DLG1: variants seen among roughly 807,000 people sequenced by gnomAD.
The protein encoded by DLG1 is disks large homolog 1.
In DLG1, 42 loss-of-function variants were observed where a neutral mutation model predicts 123.4. That is an observed-to-expected ratio of 0.34 (90% CI 0.27 to 0.44). DLG1 has a LOEUF of 0.44. DLG1 is among the 20% of genes least tolerant of loss of function. DLG1 has a pLI of 1.00. For synonymous variants in DLG1, 317 were observed against 356.2 expected, an observed-to-expected ratio of 0.89 and a Z score of 1.24; for missense variants, 942 against 1,082.6, an observed-to-expected ratio of 0.87 and a Z score of 1.82.
At chr3:197,297,390 T>G in intron 1 of DLG1, 155 bp from the exon 2 acceptor site, 1 of 1,438,836 alleles carries the variant, frequency 7.0e-7, no homozygotes, top group South Asian at 1.5e-5. Flanking sequence ...AGCAGTTGTC[T>G]GTCAACGTGG....
chr3:197,180,143 A>T (rs1809410844), intron 5 of DLG1, among the ~76,000 whole-genome samples: 1 of 150,546 alleles, frequency 6.6e-6, no homozygotes, highest in African/African-American at 2.4e-5. Flanking sequence ...ATGTATGAAT[A>T]GCTGCTATAC....
intron 4 of DLG1, among the ~76,000 whole-genome samples, chr3:197,274,527 C>CGATAT (rs1360315135): frequency 2.0e-5 from 3 of 151,862 alleles, no homozygotes; most frequent in African/African-American, 7.3e-5. Flanking sequence ...CGATACGATA[C>CGATAT]GAAAACATTG....
chr3:197,133,439 T>C (rs2149571849), intron 10 of DLG1, among the ~76,000 whole-genome samples: 1 of 152,312 alleles, frequency 6.6e-6, no homozygotes. Flanking sequence ...TGCCAAGCCC[T>C]ATCCAATCTG....
At chr3:197,260,714 C>T (rs1476456312) in intron 4 of DLG1, among the ~76,000 whole-genome samples, 1 of 128,680 alleles carries the variant, frequency 7.8e-6, no homozygotes, top group African/African-American at 2.9e-5. Context: ...TGCTTCTCCT[C>T]GTTAGCTACA....
In DLG1 at chr3:197,269,346, C is replaced by T. The variant is rs148981438; in HGVS notation, c.318+13333G>A. Among the ~76,000 whole-genome samples the T allele has an allele frequency of 3.3e-5, 5 of 152,202 alleles. No individual in the cohort carries two copies. In the East Asian group the frequency reaches 9.6e-4, roughly 29 times the overall value. On this transcript the variant is annotated intron_variant, in intron 4 of 24. Transcript: ENST00000667157. ...AGCTTGATTATAACCTTAAGGGATC[C>T]CTACTTAACATGGTCTGTGGCTGGC...
chr3:197,138,168 A>G, intron 9 of DLG1, 54 bp downstream of exon 9: 1 of 1,116,560 alleles, frequency 9.0e-7, no homozygotes, highest in Non-Finnish European at 1.2e-6. Flanking sequence ...GTTCATAGGT[A>G]TATTTAACTC....
At chr3:197,289,912 A>G (rs959444250) in intron 3 of DLG1, among the ~76,000 whole-genome samples, 4 of 152,194 alleles carry the variant, frequency 2.6e-5, no homozygotes, top group South Asian at 2.1e-4. Flanking sequence ...ATCATACATG[A>G]CTCACAAGCA....
At chr3:197,227,013 A>C (rs1448682913) in intron 4 of DLG1, among the ~76,000 whole-genome samples, 5 of 152,246 alleles carry the variant, frequency 3.3e-5, no homozygotes, top group Admixed American at 3.3e-4. Flanking sequence ...TTAAATGGAC[A>C]GTATTTATTG....
At chr3:197,276,700 T>C (rs1766587707) in intron 4 of DLG1, among the ~76,000 whole-genome samples, 1 of 152,160 alleles carries the variant, frequency 6.6e-6, no homozygotes, top group South Asian at 2.1e-4. Context: ...CATCCTAATA[T>C]ATAATTTATC....
chr3:197,217,110 C>A (rs911547841), intron 4 of DLG1, among the ~76,000 whole-genome samples: 1 of 152,158 alleles, frequency 6.6e-6, no homozygotes, highest in Non-Finnish European at 1.5e-5. Flanking sequence ...CTTAATCATG[C>A]AATTTTTTGT....
At chr3:197,051,481 T>TCCA in intron 24 of DLG1, 96 bp downstream of exon 24, 1 of 908,206 alleles carries the variant, frequency 1.1e-6, no homozygotes, top group South Asian at 1.4e-5. Flanking sequence ...TACGGGTAGA[T>TCCA]GTAGGCATAG....
At chr3:197,054,335 T>TCTCC (rs1553868247) in intron 23 of DLG1, among the ~76,000 whole-genome samples, 1,522 of 151,828 alleles carry the variant, frequency 0.01, 16 homozygotes, top group Non-Finnish European at 0.017. Context: ...CTCTGCCTTC[T>TCTCC]CTCTATTCTC....
intron 4 of DLG1, among the ~76,000 whole-genome samples, chr3:197,259,539 G>GT (rs1365696470): frequency 3.9e-5 from 6 of 152,116 alleles, no homozygotes; most frequent in South Asian, 2.1e-4. Context: ...ATGAGACATC[G>GT]TAAGTGCATA....
At chr3:197,137,905 G>A (rs571252312) in intron 9 of DLG1, among the ~76,000 whole-genome samples, 5 of 151,772 alleles carry the variant, frequency 3.3e-5, no homozygotes, top group Non-Finnish European at 5.9e-5. Flanking sequence ...TCAGGAGGCT[G>A]AGGCTGCAGT....
chr3:197,299,238 ACCTC>A, upstream of DLG1: 1 of 151,794 alleles, frequency 6.6e-6, no homozygotes, highest in South Asian at 2.1e-4. Flanking sequence ...GGTGACGAGG[ACCTC>A]CCTATTAGGA....
chr3:197,110,991 A>T (rs1769681012), intron 13 of DLG1, among the ~76,000 whole-genome samples: 1 of 152,152 alleles, frequency 6.6e-6, no homozygotes, highest in Non-Finnish European at 1.5e-5. Flanking sequence ...TCTGGTTCCA[A>T]GGATACACGG....
At chr3:197,154,073 C>A (rs958020008) in intron 5 of DLG1, among the ~76,000 whole-genome samples, 2 of 151,564 alleles carry the variant, frequency 1.3e-5, no homozygotes, top group East Asian at 1.9e-4. Context: ...GAGGCTGAGG[C>A]GGGCAGATCA....
intron 24 of DLG1, among the ~76,000 whole-genome samples, chr3:197,045,174 C>G (rs1256475130): frequency 6.8e-6 from 1 of 148,120 alleles, no homozygotes; most frequent in Non-Finnish European, 1.5e-5. Context: ...CTACTTTTTT[C>G]AGTTAAGCTA....
upstream of DLG1, chr3:197,298,703 G>A (rs1778625109): frequency 2.5e-6 from 1 of 397,688 alleles, no homozygotes; most frequent in Non-Finnish European, 4.4e-6. Flanking sequence ...GGGAGAGGGA[G>A]GAGTTCGGGG....
Sources: gnomAD v4.1 joint callset for allele counts (sites outside exome capture counted in the v4.1 genomes callset) on GRCh38, gnomAD v4.1.1 for gene constraint, MANE v1.5 for transcripts, NCBI Gene and HGNC (gene_info 2026-07-23, HGNC 2026-07-21) for gene names.